Variants in FOXN1 observed in about 807,000 individuals in gnomAD.
FOXN1 encodes the protein forkhead box N1.
Under a neutral mutation model 49.0 loss-of-function variants are expected in FOXN1, and 15 were observed. The ratio of observed to expected loss-of-function variants is 0.31; its 90% CI spans 0.20 to 0.47. FOXN1 has a LOEUF of 0.47. Ranked by LOEUF, FOXN1 falls within the 20% of genes least tolerant of loss-of-function variation. The pLI is 1.00. For missense variants in FOXN1, 800 were observed against 842.8 expected (o/e 0.95, Z 0.63); for synonymous variants, 356 against 369.0 (o/e 0.96, Z 0.40).
At chr17:28,513,664 G>A (rs969168098) in intron 1 of FOXN1, among the ~76,000 whole-genome samples, 3 of 152,232 alleles carry the variant, frequency 2.0e-5, no homozygotes, top group South Asian at 2.1e-4. Context: ...CTCAGCCCTC[G>A]GGCAGGGGGC....
intron 1 of FOXN1, among the ~76,000 whole-genome samples, chr17:28,519,977 G>A (rs1206776564): frequency 2.0e-5 from 3 of 151,794 alleles, no homozygotes; most frequent in Admixed American, 6.6e-5. Context: ...CTGTCCCACT[G>A]CTAATTATTA....
At position 28,537,506 on chromosome 17, in the gene FOXN1, C is replaced by T. The variant is rs2151502682; in HGVS notation, c.*70C>T. 2 of 1,263,430 alleles carry T rather than the reference C, an allele frequency of 1.6e-6. No homozygotes were observed. The highest frequency in any genetic ancestry group is 1.9e-4 in the Middle Eastern group (1 of 5,338). The allele number at this position is 1,263,430 out of a possible 1,614,324, so 78.3% of individuals were successfully genotyped here. A position where few individuals can be genotyped will look rare whatever the true frequency, so the allele number is the denominator to read the frequency against. ...GTCCTGGCCGGCCGCCCACATCGGG[C>T]TCACCTTAAAGGTCAAGGAAGGAAA... On this transcript the variant is annotated 3_prime_UTR_variant, in exon 9 of 9. Coordinates refer to ENST00000579795, the MANE Select transcript of FOXN1 (RefSeq NM_001369369.1).
Position 28,509,782 on chromosome 17 carries a change from G to A in FOXN1, c.-15+3339G>A, listed in dbSNP as rs1446016236. ...AGACACCCTCATAGAGCCCCAAAGCGGGGCCGGGGCAGGCTTTCTCAGGGG... is the reference window on the plus strand; with the variant it reads ...AGACACCCTCATAGAGCCCCAAAGCAGGGCCGGGGCAGGCTTTCTCAGGGG... On this transcript the variant is annotated intron_variant, in intron 1 of 8. Transcript: ENST00000579795. 4.6e-5 allele frequency among the ~76,000 whole-genome samples: 7 copies of A among 152,374 alleles called. 1 individual carries two copies. In the South Asian group the frequency reaches 1.2e-3, roughly 27 times the overall value.
chr17:28,512,058 C>A (rs183558814), intron 1 of FOXN1, among the ~76,000 whole-genome samples: 15 of 152,266 alleles, frequency 9.9e-5, no homozygotes, highest in East Asian at 1.9e-4. Flanking sequence ...GCCACAGGGA[C>A]CCAGAGCTAA....
chr17:28,531,122 C>T (rs1490229829), intron 6 of FOXN1, among the ~76,000 whole-genome samples: 2 of 152,178 alleles, frequency 1.3e-5, no homozygotes, highest in African/African-American at 2.4e-5. Flanking sequence ...AAGGTAGCAC[C>T]GATGGGCCTC....
intron 1 of FOXN1, among the ~76,000 whole-genome samples, chr17:28,514,202 C>G (rs1270000817): frequency 3.3e-5 from 5 of 151,974 alleles, no homozygotes; most frequent in African/African-American, 4.8e-5. Context: ...TTAGGAGAAG[C>G]CTGATTTGGG....
chr17:28,537,268 G>A lies in FOXN1; in HGVS notation c.1779G>A (p.Gly593=), dbSNP rs1349166730. The change falls in exon 9 of 9, where the codon GGG becomes GGA. Residue 593 remains glycine (G), a synonymous_variant. Coordinates refer to ENST00000579795, the MANE Select transcript of FOXN1 (RefSeq NM_001369369.1). ...PGPCLTETGS[G]AGDLAAPGSG... ...CCTGTCTGACAGAGACAGGCAGTGG[G>A]GCAGGTGACTTGGCAGCCCCGGGCA... The A allele has an allele frequency of 2.5e-6, 4 of 1,613,914 alleles. No homozygotes were observed. Among genetic ancestry groups the A allele is most frequent in the Non-Finnish European group, 3.4e-6 (4 of 1,180,000 alleles).
chr17:28,523,528 A>T (rs2069684417), intron 1 of FOXN1, among the ~76,000 whole-genome samples: 1 of 152,178 alleles, frequency 6.6e-6, no homozygotes, highest in South Asian at 2.1e-4. Context: ...TTGCCCAGTC[A>T]CTGAATGGAG....
intron 5 of FOXN1, 113 bp from the exon 6 acceptor site, chr17:28,530,636 C>T (rs985410437): frequency 3.1e-5 from 23 of 736,600 alleles, no homozygotes; most frequent in Admixed American, 1.1e-4. Context: ...CCTTCTCATT[C>T]CCTTCTCTTT....
chr17:28,507,836 G>C (rs35319393), intron 1 of FOXN1, among the ~76,000 whole-genome samples: 26,279 of 152,182 alleles, frequency 0.17, 2,520 homozygotes, highest in East Asian at 0.28. Flanking sequence ...GAAGGGGCAG[G>C]GCCTCCTATC....
intron 1 of FOXN1, among the ~76,000 whole-genome samples, chr17:28,512,015 T>C (rs2069406465): frequency 1.3e-5 from 2 of 152,164 alleles, no homozygotes; most frequent in Admixed American, 6.5e-5. Flanking sequence ...GGCTCAGCCC[T>C]GGGTGACTTC....
chr17:28,508,812 C>T (rs2069325282), intron 1 of FOXN1, among the ~76,000 whole-genome samples: 1 of 152,190 alleles, frequency 6.6e-6, no homozygotes, highest in South Asian at 2.1e-4. Flanking sequence ...GACCGAGGTC[C>T]TGCAGGTATG....
chr17:28,523,583 A>G (rs1365140759), intron 1 of FOXN1, among the ~76,000 whole-genome samples: 1 of 152,152 alleles, frequency 6.6e-6, no homozygotes, highest in Non-Finnish European at 1.5e-5. Context: ...CTGTAGACAC[A>G]GGAGACCGAT....
intron 1 of FOXN1, among the ~76,000 whole-genome samples, chr17:28,513,440 T>C (rs2069433318): frequency 6.6e-6 from 1 of 152,256 alleles, no homozygotes; most frequent in Non-Finnish European, 1.5e-5. Flanking sequence ...TGTCCATCTG[T>C]CCAGCTTTCC....
At chr17:28,536,138 C>A (rs143580140) in intron 8 of FOXN1, among the ~76,000 whole-genome samples, 305 of 152,202 alleles carry the variant, frequency 2.0e-3, no homozygotes, top group Non-Finnish European at 3.4e-3. Context: ...GGGTGGGGGA[C>A]ATTCACAAGC....
chr17:28,524,888 C>G lies in FOXN1; in HGVS notation c.509C>G (p.Ala170Gly), dbSNP rs543966857. Residue 170 changes from alanine (A) to glycine (G), a missense_variant, in exon 3 of 9, where the codon GCC becomes GGC. Around this residue, in one of 3 missense-constraint regions of FOXN1, gnomAD observed 383 missense variants for 357.9 expected, o/e 1.07. Transcript: ENST00000579795. ...CCAGTGGACGTGGCGGAGGCCGAGG[C>G]CTTCCTGCCTGGCTTCTCAGCAGAG... The part of the protein sequence containing the change: ...EIPVDVAEAE[A>G]FLPGFSAEAW... The G allele has an allele frequency of 1.9e-6, 3 of 1,613,560 alleles. No homozygotes were observed. Among genetic ancestry groups the G allele is most frequent in the South Asian group, 1.1e-5 (1 of 91,082 alleles).
At chr17:28,517,399 A>G (rs2069540058) in intron 1 of FOXN1, among the ~76,000 whole-genome samples, 1 of 149,468 alleles carries the variant, frequency 6.7e-6, no homozygotes, top group African/African-American at 2.5e-5. Flanking sequence ...CCATAGTTCC[A>G]TAGGGTACAC....
intron 3 of FOXN1, 127 bp downstream of exon 3, chr17:28,525,094 A>G (rs1312311381): frequency 6.4e-6 from 5 of 783,976 alleles, no homozygotes; most frequent in Non-Finnish European, 8.5e-6. Context: ...TCAAGACCAG[A>G]GAGTTGGGGC....
chr17:28,507,921 G>A (rs552632333), intron 1 of FOXN1, among the ~76,000 whole-genome samples: 126 of 152,334 alleles, frequency 8.3e-4, no homozygotes, highest in Admixed American at 8.0e-3. Context: ...CTGAGTCCTG[G>A]AGAGGGGCAG....
Sources: gnomAD v4.1 joint callset for allele counts (sites outside exome capture counted in the v4.1 genomes callset) on GRCh38, gnomAD v4.1.1 for gene constraint, gnomAD v4.1.1 regional missense constraint, MANE v1.5 for transcripts, NCBI Gene and HGNC (gene_info 2026-07-23, HGNC 2026-07-21) for gene names.